Variants in ASRGL1 observed in about 807,000 individuals in gnomAD.
ASRGL1 encodes asparaginase and isoaspartyl peptidase 1, also known as isoaspartyl peptidase/L-asparaginase.
In ASRGL1, 16 loss-of-function variants were observed where a neutral mutation model predicts 22.4. That is an observed-to-expected ratio of 0.71 (90% CI 0.48 to 1.08). The LOEUF is 1.08. Ranked by LOEUF, ASRGL1 falls within the 50% of genes least tolerant of loss-of-function variation. The pLI is 0.00. For synonymous variants in ASRGL1, 165 were observed against 159.3 expected (o/e 1.04, Z -0.27); for missense variants, 412 against 410.1 (o/e 1.00, Z -0.04).
rs146580824 is a variant in ASRGL1, at chr11:62,377,637, A to G, written c.492-11496A>G. Among the ~76,000 whole-genome samples the G allele has an allele frequency of 6.1e-3, 925 of 152,278 alleles. 2 individuals are homozygous for G. Among genetic ancestry groups the G allele is most frequent in the Non-Finnish European group, 9.3e-3 (631 of 68,024 alleles). ...ACTGGACGATTTTTGTTTTGGGGTA[A>G]TGATTATCAGTAATTCCCACAAAAT... On this transcript the variant is annotated intron_variant, in intron 4 of 6. Transcript: ENST00000415229.
chr11:62,366,534 C>A (rs1312866298), intron 4 of ASRGL1, among the ~76,000 whole-genome samples: 1 of 129,438 alleles, frequency 7.7e-6, no homozygotes, highest in African/African-American at 2.5e-5. Context: ...ATTTGCTCTT[C>A]CCTGACAGTG....
chr11:62,348,558 C>A (rs1946088974), intron 2 of ASRGL1, among the ~76,000 whole-genome samples: 1 of 152,026 alleles, frequency 6.6e-6, no homozygotes, highest in South Asian at 2.1e-4. Flanking sequence ...CAAAAATTAG[C>A]TGGGCGTGGT....
In ASRGL1 at chr11:62,388,991, G is replaced by A. The variant is rs1947276592; in HGVS notation, c.492-142G>A. 8.2e-6 allele frequency: 6 copies of A among 727,956 alleles called. No individual in the cohort carries two copies. The Middle Eastern group carries it at 1.5e-3, about 185-fold the overall frequency. 45.1% of individuals were successfully genotyped at this position (727,956 alleles called of 1,614,324 possible). On this transcript the variant is annotated intron_variant, in intron 4 of 6. Transcript: ENST00000415229. ...CTTACACGTAGAATGAGAAGCAGCA[G>A]GTTCTTTCTAGAATGTTGGAATTAA...
intron 4 of ASRGL1, among the ~76,000 whole-genome samples, chr11:62,361,900 T>C (rs986807589): frequency 2.0e-5 from 3 of 152,202 alleles, no homozygotes; most frequent in Admixed American, 1.3e-4. Context: ...CATTCCATGT[T>C]TCATTGGCTT....
chr11:62,391,874 A>T, intron 6 of ASRGL1: 1 of 737,190 alleles, frequency 1.4e-6, no homozygotes, highest in Non-Finnish European at 2.2e-6. Flanking sequence ...TTGAGCCTGG[A>T]TGTGGGAGGG....
At chr11:62,375,471 T>TATATATATATATATAAAG (rs1946899845) in intron 4 of ASRGL1, among the ~76,000 whole-genome samples, 1 of 93,296 alleles carries the variant, frequency 1.1e-5, no homozygotes, top group Admixed American at 1.1e-4. Context: ...TATATATATA[T>TATATATATATATATAAAG]ATATATATAT....
At position 62,357,081 on chromosome 11, in the gene ASRGL1, G is replaced by A. The variant is rs764887146; in HGVS notation, c.428G>A (p.Arg143Lys). ...EIPGEKLVTE[R>K]NKKRLEKEKH... ...CCTGGAGAAAAACTGGTGACAGAGA[G>A]AAACAAAAAGCGCCTGGAAAAAGAG... is the stretch of plus-strand genomic sequence containing the variant. Residue 143 changes from arginine to lysine, a missense_variant, in exon 4 of 7, where the codon AGA (arginine) becomes AAA (lysine). Transcript: ENST00000415229. 5.0e-6 allele frequency: 8 copies of A among 1,613,922 alleles called. No individual in the cohort carries two copies. Among genetic ancestry groups the A allele is most frequent in the Non-Finnish European group, 1.7e-6 (2 of 1,180,002 alleles).
chr11:62,356,529 G>C, intron 3 of ASRGL1, 62 bp downstream of exon 3: 2 of 1,546,202 alleles, frequency 1.3e-6, no homozygotes, highest in Non-Finnish European at 1.8e-6. Flanking sequence ...CAGTGATAAG[G>C]GCTCCAACTG....
downstream of ASRGL1, among the ~76,000 whole-genome samples, chr11:62,394,824 A>G (rs1947412666): frequency 6.6e-6 from 1 of 152,078 alleles, no homozygotes; most frequent in Non-Finnish European, 1.5e-5. Flanking sequence ...TTGCCCTCAG[A>G]CCTGAGTTGT....
intron 2 of ASRGL1, among the ~76,000 whole-genome samples, chr11:62,341,840 T>G (rs1272772299): frequency 6.6e-6 from 1 of 152,224 alleles, no homozygotes; most frequent in Non-Finnish European, 1.5e-5. Context: ...CACGCCTCCA[T>G]TCACTCCCAG....
chr11:62,372,476 A>G (rs1271828980), intron 4 of ASRGL1: 2 of 1,420,540 alleles, frequency 1.4e-6, no homozygotes, highest in East Asian at 2.3e-5. Context: ...CTGGGACACA[A>G]CTCAGATGGG....
At chr11:62,394,889 T>G (rs1482333454), downstream of ASRGL1, among the ~76,000 whole-genome samples, 1 of 152,128 alleles carries the variant, frequency 6.6e-6, no homozygotes, top group Non-Finnish European at 1.5e-5. Context: ...CCACGTACAG[T>G]TCTTGCTTTT....
At chr11:62,377,357 C>T (rs1358936376) in intron 4 of ASRGL1, among the ~76,000 whole-genome samples, 1 of 152,164 alleles carries the variant, frequency 6.6e-6, no homozygotes, top group Admixed American at 6.5e-5. Flanking sequence ...GCTGTCTCAA[C>T]ATCCCTTGTA....
chr11:62,395,230 T>C (rs1947417222), downstream of ASRGL1, among the ~76,000 whole-genome samples: 1 of 152,148 alleles, frequency 6.6e-6, no homozygotes, highest in Admixed American at 6.5e-5. Context: ...CGCTCTGCCC[T>C]GGGCGCTGCC....
chr11:62,377,201 G>C (rs1220923479), intron 4 of ASRGL1, among the ~76,000 whole-genome samples: 1 of 152,180 alleles, frequency 6.6e-6, no homozygotes, highest in Non-Finnish European at 1.5e-5. Context: ...AAGTCAGCTT[G>C]TTCATTTGCT....
At chr11:62,380,042 T>C (rs1947025852) in intron 4 of ASRGL1, among the ~76,000 whole-genome samples, 1 of 152,196 alleles carries the variant, frequency 6.6e-6, no homozygotes. Context: ...AATTCTTTTT[T>C]AGATGACCAA....
At chr11:62,395,084 T>C (rs1432649606), downstream of ASRGL1, among the ~76,000 whole-genome samples, 3 of 152,276 alleles carry the variant, frequency 2.0e-5, no homozygotes, top group African/African-American at 4.8e-5. Context: ...TTTAGAAAAT[T>C]TGGAACCAAA....
chr11:62,395,054 A>AG, downstream of ASRGL1, among the ~76,000 whole-genome samples: 1 of 152,354 alleles, frequency 6.6e-6, no homozygotes, highest in South Asian at 2.1e-4. Context: ...AAGGTACTCT[A>AG]TCTGGATCAG....
In ASRGL1 at chr11:62,338,070, C is replaced by T. The variant is rs1173386669; in HGVS notation, c.93C>T (p.Ala31=). The T allele has an allele frequency of 6.2e-7, 1 of 1,608,252 alleles. No homozygotes were observed. The highest frequency in any genetic ancestry group is 1.7e-5 in the Admixed American group (1 of 59,120). ...TGCACCAGGGCATGGTCAGAGCCGC[C>T]ACCGTGGGCTACGGCATCCTCCGGG... ...ERVHQGMVRA[A]TVGYGILREG... Residue 31 remains alanine, a synonymous_variant, in exon 2 of 7, where the codon GCC becomes GCT. Coordinates refer to ENST00000415229, the MANE Select transcript of ASRGL1 (RefSeq NM_001083926.2).
Sources: allele counts gnomAD v4.1 joint callset (sites outside exome capture counted in the v4.1 genomes callset), GRCh38; gene constraint gnomAD v4.1.1; transcripts MANE v1.5; gene names NCBI Gene and HGNC (gene_info 2026-07-23, HGNC 2026-07-21).